The following LCLAT1 variants were observed in gnomAD, a reference collection of about 807,000 sequenced individuals.
LCLAT1 encodes 1-AGP acyltransferase 8.
Under a neutral mutation model 30.7 loss-of-function variants are expected in LCLAT1, and 11 were observed. That is an observed-to-expected ratio of 0.36 (90% CI 0.23 to 0.59). The LOEUF is 0.59. LCLAT1 is among the 20% of genes least tolerant of loss of function. The probability of loss-of-function intolerance (pLI) is 0.77; values close to 1 mark genes in which losing one functional copy is unlikely to be tolerated. For missense variants in LCLAT1, 402 were observed against 458.6 expected, an observed-to-expected ratio of 0.88 and a Z score of 1.13; for synonymous variants, 155 against 151.3, an observed-to-expected ratio of 1.02 and a Z score of -0.18.
At chr2:30,546,370 T>C (rs1572605253) in intron 3 of LCLAT1, among the ~76,000 whole-genome samples, 1 of 152,312 alleles carries the variant, frequency 6.6e-6, no homozygotes, top group South Asian at 2.1e-4. Context: ...TTGGTATTTT[T>C]ACATATGAAT....
chr2:30,453,141 G>A (rs1475525164), intron 1 of LCLAT1, among the ~76,000 whole-genome samples: 1 of 152,154 alleles, frequency 6.6e-6, no homozygotes, highest in Non-Finnish European at 1.5e-5. Flanking sequence ...TTATATAAGC[G>A]TATATAGTTC....
At chr2:30,627,545 G>A (rs902661946) in intron 5 of LCLAT1, among the ~76,000 whole-genome samples, 23 of 152,128 alleles carry the variant, frequency 1.5e-4, no homozygotes, top group Admixed American at 1.4e-3. Flanking sequence ...TCACAGGTCT[G>A]TATAAATCTA....
chr2:30,584,041 C>T (rs539133182), intron 5 of LCLAT1, among the ~76,000 whole-genome samples: 4 of 152,230 alleles, frequency 2.6e-5, no homozygotes, highest in African/African-American at 9.6e-5. Context: ...CACCTCTCAG[C>T]AGGCCCTGGT....
chr2:30,598,925 C>A (rs556203086), intron 5 of LCLAT1, among the ~76,000 whole-genome samples: 11 of 151,608 alleles, frequency 7.3e-5, no homozygotes, highest in Non-Finnish European at 1.3e-4. Flanking sequence ...CATTCAGGAG[C>A]AAGTTGTTCA....
chr2:30,449,183 C>G (rs182982863), intron 1 of LCLAT1, among the ~76,000 whole-genome samples: 4 of 152,292 alleles, frequency 2.6e-5, no homozygotes, highest in Non-Finnish European at 4.4e-5. Context: ...TTACTACCAC[C>G]ATGCCTACTA....
chr2:30,633,146 G>A (rs939989251), intron 5 of LCLAT1, among the ~76,000 whole-genome samples: 1 of 152,158 alleles, frequency 6.6e-6, no homozygotes, highest in Non-Finnish European at 1.5e-5. Context: ...ACGTGGCACA[G>A]TGAATGATTG....
chr2:30,471,901 G>A (rs1260288621), intron 1 of LCLAT1, among the ~76,000 whole-genome samples: 4 of 152,064 alleles, frequency 2.6e-5, no homozygotes, highest in African/African-American at 9.7e-5. Flanking sequence ...GTACAATGTT[G>A]AATAACAGTG....
intron 5 of LCLAT1, among the ~76,000 whole-genome samples, chr2:30,603,465 T>A (rs1391992607): frequency 2.0e-5 from 3 of 150,976 alleles, no homozygotes; most frequent in Non-Finnish European, 4.4e-5. Context: ...AACCTTCAAT[T>A]TTTGCTTTTT....
chr2:30,619,843 A>G (rs1319261594), intron 5 of LCLAT1, among the ~76,000 whole-genome samples: 13 of 152,110 alleles, frequency 8.5e-5, no homozygotes, highest in Non-Finnish European at 4.4e-5. Context: ...ATCCAGAATC[A>G]TATCTAGCAA....
At chr2:30,568,393 T>C (rs1370614332) in intron 5 of LCLAT1, among the ~76,000 whole-genome samples, 2 of 151,864 alleles carry the variant, frequency 1.3e-5, no homozygotes, top group Non-Finnish European at 2.9e-5. Flanking sequence ...CTTTCCCCTT[T>C]TTTGGAACAG....
At chr2:30,507,895 T>A (rs113874134) in intron 1 of LCLAT1, among the ~76,000 whole-genome samples, 6,041 of 152,290 alleles carry the variant, frequency 0.04, 417 homozygotes, top group African/African-American at 0.14. Flanking sequence ...GTTGAACTAA[T>A]TTACACTCCC....
chr2:30,484,231 A>T (rs1464347556), intron 1 of LCLAT1, among the ~76,000 whole-genome samples: 1 of 152,106 alleles, frequency 6.6e-6, no homozygotes, highest in Non-Finnish European at 1.5e-5. Context: ...AAGTTTGGAG[A>T]TTTGTTACCA....
chr2:30,489,658 A>T (rs1406561529), intron 1 of LCLAT1, among the ~76,000 whole-genome samples: 1 of 152,218 alleles, frequency 6.6e-6, no homozygotes, highest in Non-Finnish European at 1.5e-5. Flanking sequence ...GCCCACAGTT[A>T]TCTTACTACA....
intron 1 of LCLAT1, among the ~76,000 whole-genome samples, chr2:30,507,251 G>T (rs1452477408): frequency 6.6e-6 from 1 of 152,102 alleles, no homozygotes; most frequent in Non-Finnish European, 1.5e-5. Context: ...TGCTTTTCTA[G>T]TAGAGTATTT....
intron 3 of LCLAT1, among the ~76,000 whole-genome samples, chr2:30,547,505 A>G (rs926462877): frequency 1.3e-5 from 2 of 152,088 alleles, no homozygotes; most frequent in Non-Finnish European, 1.5e-5. Context: ...GTCAGCAGGG[A>G]TGGTTGTTTG....
chr2:30,511,241 C>CT (rs1195211265), intron 1 of LCLAT1, among the ~76,000 whole-genome samples: 1 of 152,144 alleles, frequency 6.6e-6, no homozygotes. Context: ...TTTCGAACTC[C>CT]TGACCTCAAG....
intron 5 of LCLAT1, among the ~76,000 whole-genome samples, chr2:30,604,181 G>A (rs1254731320): frequency 1.3e-5 from 2 of 152,168 alleles, no homozygotes; most frequent in African/African-American, 4.8e-5. Context: ...GGCTACAACA[G>A]TGTGACCCTT....
At chr2:30,589,745 A>T (rs1377463688) in intron 5 of LCLAT1, among the ~76,000 whole-genome samples, 1 of 152,196 alleles carries the variant, frequency 6.6e-6, no homozygotes, top group Non-Finnish European at 1.5e-5. Flanking sequence ...TGTCTGTTTT[A>T]TCTTTGATAT....
At chr2:30,476,393 T>C (rs1558462339) in intron 1 of LCLAT1, 1 of 456,680 alleles carries the variant, frequency 2.2e-6, no homozygotes, top group East Asian at 7.0e-5. Flanking sequence ...GTTTCATCTG[T>C]CTTTACAGCC....
Sources: allele counts gnomAD v4.1 joint callset (sites outside exome capture counted in the v4.1 genomes callset), GRCh38; gene constraint gnomAD v4.1.1; transcripts MANE v1.5; gene names NCBI Gene and HGNC (gene_info 2026-07-23, HGNC 2026-07-21).